PPP2R3A: variants seen among roughly 807,000 people sequenced by gnomAD.
PPP2R3A encodes the protein serine/threonine-protein phosphatase 2A regulatory subunit B'' subunit alpha.
Under a neutral mutation model 106.9 loss-of-function variants are expected in PPP2R3A, and 80 were observed. The observed-to-expected ratio is 0.75, with a 90% confidence interval of 0.62 to 0.90. PPP2R3A has a LOEUF of 0.90. Ranked by LOEUF, PPP2R3A falls within the 40% of genes least tolerant of loss-of-function variation. The pLI is 0.00. For missense variants in PPP2R3A, 1,386 were observed against 1,350.4 expected, an observed-to-expected ratio of 1.03 and a Z score of -0.41; for synonymous variants, 483 against 468.3, an observed-to-expected ratio of 1.03 and a Z score of -0.41.
At chr3:136,123,697 A>AGAT (rs372241938) in intron 13 of PPP2R3A, among the ~76,000 whole-genome samples, 44 of 152,372 alleles carry the variant, frequency 2.9e-4, no homozygotes, top group African/African-American at 1.0e-3. Context: ...TGCAGTAGCC[A>AGAT]GATGTGATCA....
intron 1 of PPP2R3A, among the ~76,000 whole-genome samples, chr3:135,986,633 T>G (rs1932930509): frequency 6.6e-6 from 1 of 152,082 alleles, no homozygotes; most frequent in African/African-American, 2.4e-5. Context: ...TTGCTTCCTA[T>G]TTCACCAAGA....
intron 5 of PPP2R3A, among the ~76,000 whole-genome samples, chr3:136,067,060 A>G (rs939916126): frequency 3.9e-5 from 6 of 152,220 alleles, no homozygotes; most frequent in African/African-American, 1.2e-4. Flanking sequence ...TATCTCCACT[A>G]CTATTCAGCA....
At chr3:136,142,053 C>G (rs1004430887) in intron 13 of PPP2R3A, among the ~76,000 whole-genome samples, 1 of 152,106 alleles carries the variant, frequency 6.6e-6, no homozygotes, top group Non-Finnish European at 1.5e-5. Context: ...ATATGGAGTT[C>G]TCCAGCTTAG....
At chr3:136,051,416 G>T (rs916626436) in intron 5 of PPP2R3A, among the ~76,000 whole-genome samples, 1 of 152,100 alleles carries the variant, frequency 6.6e-6, no homozygotes, top group Non-Finnish European at 1.5e-5. Context: ...TGCAGCCTCC[G>T]CCTCCTGGGT....
intron 1 of PPP2R3A, among the ~76,000 whole-genome samples, chr3:135,988,265 A>C (rs992645792): frequency 2.6e-5 from 4 of 152,004 alleles, no homozygotes; most frequent in Non-Finnish European, 5.9e-5. Flanking sequence ...AAAAAAAAAA[A>C]AACAGTTTTT....
At chr3:136,112,987 G>A (rs1212766193) in intron 13 of PPP2R3A, among the ~76,000 whole-genome samples, 2 of 152,042 alleles carry the variant, frequency 1.3e-5, no homozygotes, top group Non-Finnish European at 2.9e-5. Flanking sequence ...ACAAAAATGA[G>A]CCAGGTGTGG....
At chr3:136,045,033 C>G (rs1935424875) in intron 4 of PPP2R3A, among the ~76,000 whole-genome samples, 1 of 152,186 alleles carries the variant, frequency 6.6e-6, no homozygotes, top group African/African-American at 2.4e-5. Flanking sequence ...CTCCATATTC[C>G]TCTAAGAGGC....
At chr3:136,090,992 T>C (rs1218335104) in intron 10 of PPP2R3A, among the ~76,000 whole-genome samples, 1 of 152,240 alleles carries the variant, frequency 6.6e-6, no homozygotes, top group African/African-American at 2.4e-5. Flanking sequence ...ACTGGTTGAA[T>C]GGTAAACCAT....
At chr3:136,110,406 A>G (rs1205406300) in intron 13 of PPP2R3A, among the ~76,000 whole-genome samples, 1 of 152,232 alleles carries the variant, frequency 6.6e-6, no homozygotes, top group Non-Finnish European at 1.5e-5. Flanking sequence ...TTTATTAAAA[A>G]AAAAATGCAG....
chr3:135,983,020 A>G (rs1447409073), intron 1 of PPP2R3A, among the ~76,000 whole-genome samples: 2 of 152,106 alleles, frequency 1.3e-5, no homozygotes, highest in Admixed American at 6.6e-5. Context: ...ATGAACTAAT[A>G]ACGTTAGATG....
chr3:136,094,837 A>G (rs1937180894), intron 10 of PPP2R3A, among the ~76,000 whole-genome samples: 2 of 152,256 alleles, frequency 1.3e-5, no homozygotes, highest in East Asian at 3.8e-4. Context: ...CACATTTTCC[A>G]GAAAACAGAA....
At position 136,040,928 on chromosome 3, in the gene PPP2R3A, G is replaced by C. The variant is rs1356420935; in HGVS notation, c.2332G>C (p.Val778Leu). The stretch of plus-strand genomic sequence containing the variant: ...TGCAGGGGGAGAGAAGACAGGATTT[G>C]TGACAGCACAGTCATTCATTGCCAT... ...RAAGGEKTGF[V>L]TAQSFIAMWR... Residue 778 changes from valine (V) to leucine (L), a missense_variant, in exon 4 of 14, where the codon GTG becomes CTG. Transcript: ENST00000264977. The C allele has an allele frequency of 6.2e-7, 1 of 1,613,690 alleles. No homozygotes were observed. The highest frequency in any genetic ancestry group is 1.1e-5 in the South Asian group (1 of 90,944).
chr3:136,023,398 G>A (rs1490689692), intron 2 of PPP2R3A, among the ~76,000 whole-genome samples: 1 of 152,158 alleles, frequency 6.6e-6, no homozygotes, highest in East Asian at 1.9e-4. Flanking sequence ...ATTCCAACAG[G>A]TTTAAAAATA....
chr3:135,985,403 T>TCTCTCTCG (rs1434838027), intron 1 of PPP2R3A, among the ~76,000 whole-genome samples: 2 of 139,388 alleles, frequency 1.4e-5, no homozygotes, highest in South Asian at 2.4e-4. Context: ...TCTCTCCCTC[T>TCTCTCTCG]CTCTCTCGCT....
intron 1 of PPP2R3A, among the ~76,000 whole-genome samples, chr3:135,982,946 G>C (rs954008070): frequency 6.6e-6 from 1 of 152,158 alleles, no homozygotes; most frequent in Non-Finnish European, 1.5e-5. Context: ...CTTTTTACCT[G>C]CATTTGTCTT....
At chr3:136,101,405 T>C (rs544831716) in intron 10 of PPP2R3A, among the ~76,000 whole-genome samples, 58 of 152,228 alleles carry the variant, frequency 3.8e-4, no homozygotes, top group Admixed American at 2.7e-3. Flanking sequence ...ATCTACTTTT[T>C]GTTTGGTTGG....
At chr3:136,016,836 T>C (rs1341547959) in intron 2 of PPP2R3A, among the ~76,000 whole-genome samples, 1 of 152,222 alleles carries the variant, frequency 6.6e-6, no homozygotes, top group African/African-American at 2.4e-5. Context: ...CCATGTGAGG[T>C]ACTATTCTAT....
chr3:136,039,573 C>T (rs1237047206), intron 3 of PPP2R3A, among the ~76,000 whole-genome samples: 2 of 152,030 alleles, frequency 1.3e-5, no homozygotes, highest in Non-Finnish European at 2.9e-5. Flanking sequence ...ATGCACAGTT[C>T]ACGATAGGGT....
At chr3:136,078,009 C>T (rs1936653473) in intron 6 of PPP2R3A, among the ~76,000 whole-genome samples, 1 of 152,164 alleles carries the variant, frequency 6.6e-6, no homozygotes, top group Non-Finnish European at 1.5e-5. Flanking sequence ...TAGGCCAACC[C>T]AGGAGATACT....
Sources: allele counts gnomAD v4.1 joint callset (sites outside exome capture counted in the v4.1 genomes callset), GRCh38; gene constraint gnomAD v4.1.1; transcripts MANE v1.5; gene names NCBI Gene and HGNC (gene_info 2026-07-23, HGNC 2026-07-21).